The following RIMS1 variants were observed in gnomAD, a reference collection of about 807,000 sequenced individuals.
The protein encoded by RIMS1 is regulating synaptic membrane exocytosis 1, also known as regulating synaptic membrane exocytosis protein 1.
Under a neutral mutation model 214.1 loss-of-function variants are expected in RIMS1, and 83 were observed. The ratio of observed to expected loss-of-function variants is 0.39; its 90% CI spans 0.32 to 0.47. The LOEUF (loss-of-function observed/expected upper bound fraction) is 0.47. Ranked by LOEUF, RIMS1 falls within the 20% of genes least tolerant of loss-of-function variation. The pLI is 0.99. For missense variants in RIMS1, 2,050 were observed against 2,161.8 expected (o/e 0.95, Z 1.03); for synonymous variants, 793 against 786.8 (o/e 1.01, Z -0.13).
At chr6:72,098,601 T>A (rs2032641891) in intron 3 of RIMS1, among the ~76,000 whole-genome samples, 1 of 151,790 alleles carries the variant, frequency 6.6e-6, no homozygotes, top group Non-Finnish European at 1.5e-5. Context: ...GGCCGATCAA[T>A]ATATCTTATA....
intron 4 of RIMS1, among the ~76,000 whole-genome samples, chr6:72,163,926 A>C (rs1002739872): frequency 6.6e-6 from 1 of 152,178 alleles, no homozygotes; most frequent in African/African-American, 2.4e-5. Flanking sequence ...GCTGTCAGAC[A>C]GGGACATTTA....
Position 72,251,279 on chromosome 6 carries a change from A to G in RIMS1, c.2609A>G (p.His870Arg). ...DEPHWYKLQT[H>R]DESSLPLPQP... ...CCGCATTGGTATAAACTTCAGACAC[A>G]TGATGAGTCTTCACTACCTCTGCCT... is the stretch of plus-strand genomic sequence containing the variant. The change falls in exon 15 of 34, where the codon CAT (histidine) becomes CGT (arginine). Residue 870 changes from histidine (H) to arginine (R), a missense_variant. By Grantham distance (29) the His-to-Arg change is conservative. Transcript: ENST00000521978. The G allele has an allele frequency of 6.3e-7, 1 of 1,599,172 alleles. No homozygotes were observed. Among genetic ancestry groups the G allele is most frequent in the East Asian group, 2.3e-5 (1 of 44,324 alleles).
intron 29 of RIMS1, among the ~76,000 whole-genome samples, chr6:72,372,833 G>A (rs893335283): frequency 6.6e-6 from 1 of 152,200 alleles, no homozygotes; most frequent in Non-Finnish European, 1.5e-5. Context: ...GCAGGGAGAT[G>A]CTAAAGTCAC....
At chr6:72,217,649 A>G (rs2056760457) in intron 6 of RIMS1, among the ~76,000 whole-genome samples, 1 of 152,208 alleles carries the variant, frequency 6.6e-6, no homozygotes, top group Non-Finnish European at 1.5e-5. Context: ...ACAAAGATTT[A>G]AGTATATATA....
intron 1 of RIMS1, among the ~76,000 whole-genome samples, chr6:71,927,815 A>G (rs1357716619): frequency 6.6e-6 from 1 of 152,140 alleles, no homozygotes; most frequent in Non-Finnish European, 1.5e-5. Context: ...CAAATTTATA[A>G]TATTTGAAAA....
At chr6:72,162,534 C>A (rs1437356963) in intron 4 of RIMS1, among the ~76,000 whole-genome samples, 1 of 140,568 alleles carries the variant, frequency 7.1e-6, no homozygotes, top group Non-Finnish European at 1.6e-5. Context: ...ACTGGTTGTT[C>A]CTTTCCGTGT....
chr6:71,995,968 A>G lies in RIMS1; in HGVS notation c.245+26905A>G, dbSNP rs561591004. Among the ~76,000 whole-genome samples, 6 of 152,038 alleles carry G rather than the reference A, an allele frequency of 3.9e-5. No homozygotes were observed. In the South Asian group the frequency reaches 8.3e-4, roughly 21 times the overall value. On this transcript the variant is annotated intron_variant, in intron 2 of 33. Transcript: ENST00000521978. ...TGCCTGGCTAATTTTTGTTATTTTA[A>G]TAGAGACGGAATTTCATCATGTTGG...
intron 2 of RIMS1, among the ~76,000 whole-genome samples, chr6:72,026,526 AT>A (rs1439137069): frequency 4.5e-5 from 6 of 132,702 alleles, no homozygotes; most frequent in Non-Finnish European, 6.2e-5. Context: ...TGTGGAGTCC[AT>A]TTGGGTTTTT....
At chr6:72,053,517 T>C (rs564916608) in intron 2 of RIMS1, among the ~76,000 whole-genome samples, 1 of 152,254 alleles carries the variant, frequency 6.6e-6, no homozygotes, top group African/African-American at 2.4e-5. Context: ...GGAGTAAAGA[T>C]TACACAGAAT....
intron 3 of RIMS1, among the ~76,000 whole-genome samples, chr6:72,098,414 C>A (rs566572703): frequency 1.1e-4 from 16 of 152,170 alleles, no homozygotes; most frequent in Admixed American, 7.8e-4. Context: ...CCCACCTCAG[C>A]CTCCCGAGTA....
intron 2 of RIMS1, among the ~76,000 whole-genome samples, chr6:72,053,066 C>T (rs569136596): frequency 2.6e-5 from 4 of 152,216 alleles, no homozygotes; most frequent in South Asian, 2.1e-4. Flanking sequence ...AGTTTAATTA[C>T]GTCCCAGAAC....
intron 29 of RIMS1, among the ~76,000 whole-genome samples, chr6:72,378,208 G>A (rs997729897): frequency 1.3e-5 from 2 of 152,106 alleles, no homozygotes; most frequent in Non-Finnish European, 2.9e-5. Flanking sequence ...TTGTACTTCT[G>A]TTTCAGGTTT....
At chr6:71,927,660 G>A (rs1781932809) in intron 1 of RIMS1, among the ~76,000 whole-genome samples, 2 of 151,904 alleles carry the variant, frequency 1.3e-5, no homozygotes, top group Non-Finnish European at 2.9e-5. Context: ...TAATTTCTAG[G>A]GAAATCTATA....
chr6:72,166,859 C>A (rs2046340986), intron 4 of RIMS1, among the ~76,000 whole-genome samples: 1 of 152,138 alleles, frequency 6.6e-6, no homozygotes, highest in Non-Finnish European at 1.5e-5. Flanking sequence ...GGATTTCCTA[C>A]ATATACTATC....
chr6:72,206,748 G>C (rs758796059), intron 6 of RIMS1, among the ~76,000 whole-genome samples: 5 of 152,136 alleles, frequency 3.3e-5, no homozygotes, highest in Admixed American at 3.3e-4. Flanking sequence ...AGATTGACTG[G>C]GGTTACTTTT....
At chr6:72,292,907 C>T (rs1189568618) in intron 26 of RIMS1, among the ~76,000 whole-genome samples, 3 of 151,982 alleles carry the variant, frequency 2.0e-5, no homozygotes, top group African/African-American at 7.2e-5. Context: ...GAAAGGTTAA[C>T]ACTTTGAATA....
rs1554194854 is a variant in RIMS1 at position 71,890,596 on chromosome 6, A to AAAAAAAAAAC, written c.164+3410_164+3411insAAAAAAAACA. On this transcript the variant is annotated intron_variant, in intron 1 of 33. Transcript: ENST00000521978. ...AAAAAAAAAAAAAAAAAAAAAAAAA[A>AAAAAAAAAAC]ACTTCATAGAGAAAGCAGCTACTGA... 8.9e-3 allele frequency among the ~76,000 whole-genome samples: 999 copies of AAAAAAAAAAC among 112,790 alleles called. 168 individuals carry two copies. The highest frequency in any genetic ancestry group is 0.013 in the Non-Finnish European group (718 of 56,196). 74.0% of individuals were successfully genotyped at this position (112,790 alleles called of 152,430 possible). A position where few individuals can be genotyped will look rare whatever the true frequency, so the allele number is the denominator to read the frequency against.
intron 2 of RIMS1, among the ~76,000 whole-genome samples, chr6:72,015,003 C>T (rs958108900): frequency 1.3e-5 from 2 of 151,994 alleles, no homozygotes; most frequent in African/African-American, 4.8e-5. Context: ...AGTTGAATAT[C>T]CCTTAGCCAA....
chr6:71,977,836 C>T (rs1266213848), intron 2 of RIMS1, among the ~76,000 whole-genome samples: 2 of 152,142 alleles, frequency 1.3e-5, no homozygotes, highest in Non-Finnish European at 2.9e-5. Context: ...GCAAGGGTTC[C>T]ATCCTAGAGC....
Sources: gnomAD v4.1 joint callset for allele counts (sites outside exome capture counted in the v4.1 genomes callset) on GRCh38, gnomAD v4.1.1 for gene constraint, MANE v1.5 for transcripts, NCBI Gene and HGNC (gene_info 2026-07-23, HGNC 2026-07-21) for gene names.